The following LRIF1 variants were observed in gnomAD, a reference collection of about 807,000 sequenced individuals.
The protein encoded by LRIF1 is ligand dependent nuclear receptor interacting factor 1.
In LRIF1, 32 loss-of-function variants were observed where a neutral mutation model predicts 52.7. The ratio of observed to expected loss-of-function variants is 0.61; its 90% confidence interval spans 0.46 to 0.82. LRIF1 has a LOEUF of 0.82. Among genes scored for constraint, LRIF1 ranks in the 40% least tolerant of loss-of-function variants. The pLI is 0.00. For missense variants in LRIF1, 887 were observed against 892.0 expected (o/e 0.99, Z 0.07); for synonymous variants, 323 against 317.4 (o/e 1.02, Z -0.19).
At chr1:110,918,758 A>G in the LRIF1 span, among the ~76,000 whole-genome samples, 1 of 152,206 alleles carries the variant, frequency 6.6e-6, no homozygotes, top group African/African-American at 2.4e-5. Flanking sequence ...TTCATGGTAC[A>G]GAAGTCAGAG....
At chr1:110,953,056 A>G (rs890456029) in intron 1 of LRIF1, 1 of 185,372 alleles carries the variant, frequency 5.4e-6, no homozygotes, top group East Asian at 1.2e-4. Context: ...TAAGACTAAA[A>G]GTAGACATTT....
At chr1:110,945,318 TGAA>T (rs1440600640), downstream of LRIF1, among the ~76,000 whole-genome samples, 1 of 152,172 alleles carries the variant, frequency 6.6e-6, no homozygotes, top group African/African-American at 2.4e-5. Context: ...GATGGGAATA[TGAA>T]GTTCTAGTTT....
At chr1:110,944,191 G>C (rs1255682316), downstream of LRIF1, 1 of 152,226 alleles carries the variant, frequency 6.6e-6, no homozygotes, top group African/African-American at 2.4e-5. Context: ...TTTGAAAGCA[G>C]AACCAACAAA....
chr1:110,885,640 AT>A, the LRIF1 span, among the ~76,000 whole-genome samples: 1 of 152,154 alleles, frequency 6.6e-6, no homozygotes, highest in Non-Finnish European at 1.5e-5. Flanking sequence ...AGACAGGCAG[AT>A]CACCTGAGGT....
At chr1:110,880,195 G>A in the LRIF1 span, 108,733 of 151,898 alleles carry the variant, frequency 0.72, 41,314 homozygotes, top group Non-Finnish European at 0.84. Flanking sequence ...GAGGGGTGTC[G>A]GTTCCTCTAG....
the LRIF1 span, chr1:110,941,170 A>T: frequency 1.3e-5 from 2 of 152,032 alleles, no homozygotes; most frequent in African/African-American, 4.8e-5. Context: ...AAAAAACAAG[A>T]TCTGGTGTTA....
At chr1:110,917,270 G>A in the LRIF1 span, among the ~76,000 whole-genome samples, 1 of 152,142 alleles carries the variant, frequency 6.6e-6, no homozygotes, top group Non-Finnish European at 1.5e-5. Flanking sequence ...GTTCCTACTT[G>A]TTGCCACTCT....
the LRIF1 span, among the ~76,000 whole-genome samples, chr1:110,895,787 C>T: frequency 6.6e-6 from 1 of 152,026 alleles, no homozygotes; most frequent in African/African-American, 2.4e-5. Flanking sequence ...AATGAATCTC[C>T]CAACTCTTCA....
At chr1:110,910,819 C>A in the LRIF1 span, among the ~76,000 whole-genome samples, 1 of 152,000 alleles carries the variant, frequency 6.6e-6, no homozygotes, top group African/African-American at 2.4e-5. Context: ...AACAAAAATA[C>A]AACATACCAG....
At chr1:110,902,603 C>T in the LRIF1 span, among the ~76,000 whole-genome samples, 4 of 149,456 alleles carry the variant, frequency 2.7e-5, no homozygotes, top group African/African-American at 4.9e-5. Flanking sequence ...GATCTCGGAA[C>T]GTCTGAAATA....
At chr1:110,934,507 C>G in the LRIF1 span, among the ~76,000 whole-genome samples, 1 of 152,200 alleles carries the variant, frequency 6.6e-6, no homozygotes, top group African/African-American at 2.4e-5. Flanking sequence ...TTCACCACAG[C>G]TAACTGACAA....
At chr1:110,935,219 C>A in the LRIF1 span, among the ~76,000 whole-genome samples, 1 of 152,296 alleles carries the variant, frequency 6.6e-6, no homozygotes, top group Non-Finnish European at 1.5e-5. Context: ...AGGACAGGTA[C>A]AAACAAGCCC....
chr1:110,924,859 T>A, the LRIF1 span, among the ~76,000 whole-genome samples: 1 of 152,284 alleles, frequency 6.6e-6, no homozygotes, highest in East Asian at 1.9e-4. Context: ...AAGATTATGA[T>A]CAAGTTAAGT....
chr1:110,933,695 T>C, the LRIF1 span, among the ~76,000 whole-genome samples: 1 of 152,172 alleles, frequency 6.6e-6, no homozygotes, highest in Non-Finnish European at 1.5e-5. Context: ...CTTGAGTTAA[T>C]GCAAACCTTG....
chr1:110,881,814 T>G, the LRIF1 span, among the ~76,000 whole-genome samples: 128 of 152,210 alleles, frequency 8.4e-4, no homozygotes, highest in Non-Finnish European at 1.6e-3. Context: ...CTAGGAGATG[T>G]GGAGTGGTAT....
chr1:110,878,574 A>G, the LRIF1 span, among the ~76,000 whole-genome samples: 4 of 152,066 alleles, frequency 2.6e-5, no homozygotes, highest in Admixed American at 2.6e-4. Context: ...TTTTTTTTTA[A>G]AGAAAGCATG....
At position 110,961,469 on chromosome 1, in the gene LRIF1, T is replaced by C. The variant is rs571127312; in HGVS notation, c.68+2152A>G. 3.9e-5 allele frequency among the ~76,000 whole-genome samples: 6 copies of C among 152,344 alleles called. No homozygotes were observed. The East Asian group carries it at 9.6e-4, about 24-fold the overall frequency. ...TTCGACAATAAAACCCAAATCAATA[T>C]AAATTAAATGCATACCATCACAAAT... On this transcript the variant is annotated intron_variant, in intron 1 of 3. Transcript: ENST00000369763.
intron 1 of LRIF1, among the ~76,000 whole-genome samples, chr1:110,962,483 G>C (rs886734467): frequency 6.6e-6 from 1 of 152,052 alleles, no homozygotes; most frequent in African/African-American, 2.4e-5. Context: ...TATTGCAATG[G>C]AGTTTTCTAC....
At chr1:110,963,447 G>A (rs558847867) in intron 1 of LRIF1, 174 bp downstream of exon 1, 20 of 493,936 alleles carry the variant, frequency 4.0e-5, no homozygotes, top group African/African-American at 5.8e-5. Flanking sequence ...TTTCCCAGAG[G>A]AAAGCGCTCT....
Sources: allele counts gnomAD v4.1 joint callset (sites outside exome capture counted in the v4.1 genomes callset), GRCh38; gene constraint gnomAD v4.1.1; transcripts MANE v1.5; gene names NCBI Gene and HGNC (gene_info 2026-07-23, HGNC 2026-07-21).